SLC36A4: variants seen among roughly 807,000 people sequenced by gnomAD.
SLC36A4 encodes neutral amino acid uniporter 4.
Under a neutral mutation model 50.5 loss-of-function variants are expected in SLC36A4, and 49 were observed. That is an observed-to-expected ratio of 0.97 (90% CI 0.77 to 1.23). The LOEUF (loss-of-function observed/expected upper bound fraction) is 1.23. Ranked by LOEUF, SLC36A4 falls within the 50% of genes most tolerant of loss-of-function variation. The probability of loss-of-function intolerance (pLI) is 0.00; values close to 1 mark genes in which losing one functional copy is unlikely to be tolerated. For missense variants in SLC36A4, 611 were observed against 608.4 expected (o/e 1.00, Z -0.05); for synonymous variants, 207 against 206.5 (o/e 1.00, Z -0.02).
At chr11:93,182,084 T>A (rs1861761796) in intron 4 of SLC36A4, 1 of 159,150 alleles carries the variant, frequency 6.3e-6, no homozygotes, top group East Asian at 1.9e-4. Context: ...ATATTTCAAA[T>A]GCCTAAAACA....
intron 1 of SLC36A4, chr11:93,197,408 T>G (rs1470399694): frequency 6.2e-6 from 2 of 321,214 alleles, no homozygotes; most frequent in Non-Finnish European, 1.2e-5. Flanking sequence ...CTGCAGCATT[T>G]GAAAAGCAGA....
intron 8 of SLC36A4, among the ~76,000 whole-genome samples, chr11:93,164,890 G>C (rs1320336604): frequency 6.6e-6 from 1 of 152,090 alleles, no homozygotes; most frequent in Middle Eastern, 3.2e-3. Flanking sequence ...AGATAAAACA[G>C]AAAGAAAAAG....
chr11:93,154,448 C>T lies in SLC36A4; in HGVS notation c.1038-171G>A, dbSNP rs1860253989. 8.6e-6 allele frequency: 3 copies of T among 348,590 alleles called. No homozygotes were observed. In the South Asian group the frequency reaches 3.2e-4, roughly 38 times the overall value. 21.6% of individuals were successfully genotyped at this position (348,590 alleles called of 1,614,324 possible). On this transcript the variant is annotated intron_variant, in intron 9 of 10. Coordinates refer to ENST00000326402, the MANE Select transcript of SLC36A4 (RefSeq NM_152313.4). ...GGCAAATTGATCTCTAACTAAATTT[C>T]TAGATGATACAAGAACAATTCATTT...
chr11:93,175,913 A>T (rs1401934503), intron 6 of SLC36A4, among the ~76,000 whole-genome samples: 31 of 117,434 alleles, frequency 2.6e-4, no homozygotes, highest in African/African-American at 9.7e-4. Context: ...GCTGAAAAAA[A>T]TGTATATTCT....
chr11:93,184,321 C>A, intron 3 of SLC36A4, 109 bp downstream of exon 3: 1 of 714,792 alleles, frequency 1.4e-6, no homozygotes, highest in Non-Finnish European at 2.5e-6. Context: ...TCTAAATGAT[C>A]ATCTAAATGT....
intron 10 of SLC36A4, among the ~76,000 whole-genome samples, chr11:93,149,456 A>G (rs1259775678): frequency 1.3e-5 from 2 of 152,010 alleles, no homozygotes; most frequent in Non-Finnish European, 2.9e-5. Context: ...GTGGAGAAAT[A>G]AGTCAACAGA....
chr11:93,172,217 A>C (rs1312732939), intron 6 of SLC36A4, among the ~76,000 whole-genome samples: 1 of 152,116 alleles, frequency 6.6e-6, no homozygotes. Context: ...TACAACACTA[A>C]TCTCTTGACA....
In SLC36A4 at chr11:93,182,664, T is replaced by C. The variant is rs1861787025; in HGVS notation, c.359+142A>G. 3 of 487,366 alleles carry C rather than the reference T, an allele frequency of 6.2e-6. No individual in the cohort carries two copies. In the South Asian group the frequency reaches 1.5e-4, roughly 25 times the overall value. The allele number at this position is 487,366 out of a possible 1,614,324, so 30.2% of individuals were successfully genotyped here. On this transcript the variant is annotated intron_variant, in intron 4 of 10. Coordinates refer to ENST00000326402, the MANE Select transcript of SLC36A4 (RefSeq NM_152313.4). ...ACCAGATTTAAATTATATGAAATGC[T>C]ACCTTCTTCCATATTCATTACCTTA...
intron 6 of SLC36A4, among the ~76,000 whole-genome samples, chr11:93,179,839 T>A (rs1022459490): frequency 2.6e-5 from 4 of 152,198 alleles, no homozygotes; most frequent in African/African-American, 9.6e-5. Context: ...TTGTTGCCTA[T>A]GGCTGAACTC....
Position 93,181,746 on chromosome 11 carries a change from A to G in SLC36A4, c.400T>C (p.Phe134Leu). 6.4e-7 allele frequency: 1 copy of G among 1,550,910 alleles called. No homozygotes were observed. Among genetic ancestry groups the G allele is most frequent in the Middle Eastern group, 1.7e-4 (1 of 5,978 alleles). ...CTCCAAGGACTCACTTCCATAGCAAAGCTCACAGTGTCACTATAACCTAAT... is the reference window on the plus strand; with the variant it reads ...CTCCAAGGACTCACTTCCATAGCAAGGCTCACAGTGTCACTATAACCTAAT... ...STLGYSDTVS[F>L]AMEVSPWSCL... The change falls in exon 5 of 11, where the codon TTT becomes CTT. Residue 134 changes from phenylalanine (F) to leucine (L), a missense_variant. Phe to Leu is a conservative substitution (Grantham distance 22). Coordinates refer to ENST00000326402, the MANE Select transcript of SLC36A4 (RefSeq NM_152313.4).
intron 10 of SLC36A4, among the ~76,000 whole-genome samples, chr11:93,153,276 G>A (rs1404022169): frequency 6.6e-6 from 1 of 151,952 alleles, no homozygotes; most frequent in African/African-American, 2.4e-5. Flanking sequence ...ATCATTTTAG[G>A]CAATCCCAGT....
At chr11:93,163,000 T>C in intron 8 of SLC36A4, 125 bp from the exon 9 acceptor site, 1 of 716,322 alleles carries the variant, frequency 1.4e-6, no homozygotes, top group South Asian at 1.9e-5. Context: ...AAAACACATA[T>C]AATTGTTGAA....
chr11:93,180,806 A>G lies in SLC36A4; in HGVS notation c.531T>C (p.Asn177=), dbSNP rs751167901. The change falls in exon 6 of 11, where the codon AAT becomes AAC. Residue 177 remains asparagine, a synonymous_variant. Transcript: ENST00000326402. ...GGAGAAAAATACTCACTTGTTTCACATTTTCAGCTAAGAAGACAATATAAA... is the reference window on the plus strand; with the variant it reads ...GGAGAAAAATACTCACTTGTTTCACGTTTTCAGCTAAGAAGACAATATAAA... The part of the protein sequence containing the change: ...CSVYIVFLAE[N]VKQVHEGFLE... 2.0e-5 allele frequency: 32 copies of G among 1,611,368 alleles called. No individual in the cohort carries two copies. The East Asian group carries it at 7.2e-4, about 36-fold the overall frequency.
chr11:93,166,156 C>G (rs1487203151), intron 7 of SLC36A4, 140 bp from the exon 8 acceptor site: 10 of 1,279,572 alleles, frequency 7.8e-6, no homozygotes, highest in Non-Finnish European at 9.2e-6. Context: ...TCAACAAACA[C>G]TTAAAGCATC....
rs1230757122 is a variant in SLC36A4 at position 93,180,949 on chromosome 11, T to C, written c.456-68A>G. ...GAAATGTCAATATATTTTATTTCTCTTTTCAAGAGTTTTAAAACATTTTAT... is the reference window on the plus strand; with the variant it reads ...GAAATGTCAATATATTTTATTTCTCCTTTCAAGAGTTTTAAAACATTTTAT... On this transcript the variant is annotated intron_variant, in intron 5 of 10. Transcript: ENST00000326402. 6.4e-6 allele frequency: 7 copies of C among 1,087,024 alleles called. No individual in the cohort carries two copies. In the East Asian group the frequency reaches 7.3e-5, roughly 11 times the overall value. 67.3% of individuals were successfully genotyped at this position (1,087,024 alleles called of 1,614,324 possible).
intron 7 of SLC36A4, chr11:93,167,569 AG>A (rs1162258484): frequency 6.2e-6 from 1 of 160,532 alleles, no homozygotes; most frequent in Non-Finnish European, 1.4e-5. Flanking sequence ...CAGAAGTGAA[AG>A]GAAATTATGG....
At chr11:93,171,128 T>C (rs972050442) in intron 6 of SLC36A4, 1 of 152,066 alleles carries the variant, frequency 6.6e-6, no homozygotes, top group African/African-American at 2.4e-5. Flanking sequence ...CTGCCTTTTT[T>C]TTTTTCCATG....
intron 6 of SLC36A4, chr11:93,180,193 C>T: frequency 1.0e-6 from 1 of 984,394 alleles, no homozygotes; most frequent in Non-Finnish European, 1.2e-6. Flanking sequence ...CATAAAAGTG[C>T]TTTATAGTAT....
intron 6 of SLC36A4, among the ~76,000 whole-genome samples, chr11:93,176,541 T>A (rs1369194706): frequency 3.3e-5 from 5 of 151,810 alleles, no homozygotes; most frequent in Non-Finnish European, 7.4e-5. Flanking sequence ...TTCTTCCTAG[T>A]CTCGATGGTC....
Sources: gnomAD v4.1 joint callset for allele counts (sites outside exome capture counted in the v4.1 genomes callset) on GRCh38, gnomAD v4.1.1 for gene constraint, MANE v1.5 for transcripts, NCBI Gene and HGNC (gene_info 2026-07-23, HGNC 2026-07-21) for gene names.